The following TSGA10 variants were observed in gnomAD, a reference collection of about 807,000 sequenced individuals.
TSGA10 encodes the protein testis specific 10.
Under a neutral mutation model 96.6 loss-of-function variants are expected in TSGA10, and 43 were observed. The observed-to-expected ratio is 0.44, with a 90% confidence interval of 0.35 to 0.57. The LOEUF (loss-of-function observed/expected upper bound fraction) is 0.57, where lower values mean the gene tolerates loss of function less well. TSGA10 is among the 20% of genes least tolerant of loss of function. TSGA10 has a pLI of 0.01. For synonymous variants in TSGA10, 229 were observed against 269.9 expected (o/e 0.85, Z 1.48); for missense variants, 703 against 834.4 (o/e 0.84, Z 1.94).
At chr2:99,066,000 T>A (rs191634138) in intron 15 of TSGA10, among the ~76,000 whole-genome samples, 37 of 152,314 alleles carry the variant, frequency 2.4e-4, no homozygotes, top group African/African-American at 8.4e-4. Flanking sequence ...TTCTAAAAAA[T>A]TAGTTGTAAT....
At chr2:99,085,178 C>T (rs1205995536) in intron 10 of TSGA10, among the ~76,000 whole-genome samples, 6 of 151,818 alleles carry the variant, frequency 4.0e-5, no homozygotes, top group East Asian at 1.9e-4. Context: ...ACCCAGGAGG[C>T]GGAGGTTGCA....
chr2:99,116,033 C>T (rs746814318), intron 4 of TSGA10, among the ~76,000 whole-genome samples: 2 of 152,146 alleles, frequency 1.3e-5, no homozygotes, highest in Admixed American at 6.6e-5. Context: ...ACTTCAATAA[C>T]GTTTCACCTG....
intron 10 of TSGA10, among the ~76,000 whole-genome samples, chr2:99,085,198 G>C (rs1052783645): frequency 6.6e-6 from 1 of 152,030 alleles, no homozygotes; most frequent in Non-Finnish European, 1.5e-5. Context: ...AGTGAGGTGA[G>C]ATCGCACCAC....
At chr2:99,131,790 T>G (rs2093100965) in intron 1 of TSGA10, among the ~76,000 whole-genome samples, 1 of 152,192 alleles carries the variant, frequency 6.6e-6, no homozygotes, top group South Asian at 2.1e-4. Context: ...TTGAGATACA[T>G]TCCATCGATA....
intron 18 of TSGA10, among the ~76,000 whole-genome samples, chr2:99,019,242 A>G (rs1395291490): frequency 6.6e-6 from 1 of 152,214 alleles, no homozygotes; most frequent in African/African-American, 2.4e-5. Context: ...AGTATCATAG[A>G]CTGCTGAAAT....
chr2:99,108,784 T>C (rs1294799965), intron 7 of TSGA10, 49 bp downstream of exon 7: 1 of 1,372,566 alleles, frequency 7.3e-7, no homozygotes, highest in East Asian at 2.4e-5. Flanking sequence ...ATTACATAAC[T>C]CTAGAACTCA....
At chr2:99,139,262 A>G (rs1010781255) in intron 1 of TSGA10, among the ~76,000 whole-genome samples, 6 of 151,216 alleles carry the variant, frequency 4.0e-5, no homozygotes, top group African/African-American at 9.7e-5. Context: ...TCATGTCTCA[A>G]AAAAAAAAGG....
chr2:99,073,147 G>T (rs1244647896), intron 12 of TSGA10, 74 bp from the exon 13 acceptor site: 3 of 1,024,766 alleles, frequency 2.9e-6, no homozygotes, highest in East Asian at 5.3e-5. Context: ...TGAACAAAAA[G>T]AAAATTTCCC....
intron 1 of TSGA10, chr2:99,141,531 G>A (rs1455633964): frequency 7.0e-6 from 1 of 141,920 alleles, no homozygotes; most frequent in Non-Finnish European, 1.6e-5. Flanking sequence ...CACCTAGGAG[G>A]GACCCCTTCC....
chr2:99,000,346 A>G (rs1031456773), intron 20 of TSGA10, among the ~76,000 whole-genome samples: 1 of 50,412 alleles, frequency 2.0e-5, no homozygotes, highest in Non-Finnish European at 3.1e-5. Context: ...GTCTCTACTG[A>G]AAAAAAAAAA....
chr2:99,047,321 C>T (rs1357281145), intron 16 of TSGA10, among the ~76,000 whole-genome samples: 1 of 152,084 alleles, frequency 6.6e-6, no homozygotes. Context: ...TGCAAAAATC[C>T]TCAATAAAAT....
At chr2:99,137,768 G>A (rs2093385155) in intron 1 of TSGA10, among the ~76,000 whole-genome samples, 1 of 151,720 alleles carries the variant, frequency 6.6e-6, no homozygotes, top group African/African-American at 2.4e-5. Context: ...GAAGTGGATG[G>A]ATTTAGGATA....
Position 99,125,655 on chromosome 2 carries a change from G to A in TSGA10, c.-492+1393C>T, listed in dbSNP as rs1280639659. 2.6e-5 allele frequency: 4 copies of A among 152,118 alleles called. No individual in the cohort carries two copies. The East Asian group carries it at 5.8e-4, about 22-fold the overall frequency. The allele number at this position is 152,118 out of a possible 1,614,324, so 9.4% of individuals were successfully genotyped here. On this transcript the variant is annotated intron_variant, in intron 2 of 20. Transcript: ENST00000393483. ...TCTTATGTTTTAGCAGGCCTCCTGTGACAATGCTCCAACTAAAAAGAAGGG... is the reference window on the plus strand; with the variant it reads ...TCTTATGTTTTAGCAGGCCTCCTGTAACAATGCTCCAACTAAAAAGAAGGG...
At chr2:99,079,735 A>C (rs1212540672) in intron 11 of TSGA10, among the ~76,000 whole-genome samples, 1 of 152,136 alleles carries the variant, frequency 6.6e-6, no homozygotes, top group Non-Finnish European at 1.5e-5. Flanking sequence ...TCTGACACAG[A>C]TGAAAGTTTG....
intron 20 of TSGA10, among the ~76,000 whole-genome samples, chr2:99,008,593 CT>C (rs1409608142): frequency 6.6e-6 from 1 of 152,296 alleles, no homozygotes; most frequent in East Asian, 1.9e-4. Flanking sequence ...GCTGAAGGGA[CT>C]GCAAAATGGA....
At chr2:99,097,846 G>C (rs1168483894) in intron 10 of TSGA10, among the ~76,000 whole-genome samples, 1 of 152,088 alleles carries the variant, frequency 6.6e-6, no homozygotes, top group African/African-American at 2.4e-5. Flanking sequence ...CTGAAAGGTT[G>C]ACAGCAAAAG....
intron 20 of TSGA10, among the ~76,000 whole-genome samples, chr2:99,007,336 A>G (rs968302274): frequency 2.0e-5 from 3 of 152,194 alleles, no homozygotes; most frequent in Non-Finnish European, 4.4e-5. Context: ...AAAATTCACA[A>G]TGACTCATAA....
intron 1 of TSGA10, chr2:99,141,894 AG>A (rs1261356758): frequency 1.3e-5 from 2 of 152,450 alleles, no homozygotes; most frequent in Non-Finnish European, 2.9e-5. Flanking sequence ...TTCCAGGTCC[AG>A]CCCTCCCGCT....
chr2:99,101,899 G>T, intron 10 of TSGA10: 1 of 593,286 alleles, frequency 1.7e-6, no homozygotes, highest in Non-Finnish European at 3.0e-6. Context: ...GGGGAAATAG[G>T]GAGTGCTGTT....
Sources: allele counts gnomAD v4.1 joint callset (sites outside exome capture counted in the v4.1 genomes callset), GRCh38; gene constraint gnomAD v4.1.1; transcripts MANE v1.5; gene names NCBI Gene and HGNC (gene_info 2026-07-23, HGNC 2026-07-21).